The following ZFHX3 variants were observed in gnomAD, a reference collection of about 807,000 sequenced individuals.
The protein encoded by ZFHX3 is zinc finger homeobox protein 3.
Under a neutral mutation model 279.1 loss-of-function variants are expected in ZFHX3, and 42 were observed. The observed-to-expected ratio is 0.15, with a 90% CI of 0.12 to 0.19. The LOEUF (loss-of-function observed/expected upper bound fraction) is 0.19. Among genes scored for constraint, ZFHX3 ranks in the 10% least tolerant of loss-of-function variants. ZFHX3 has a pLI of 1.00. For synonymous variants in ZFHX3, 2,293 were observed against 1,957.8 expected, an observed-to-expected ratio of 1.17 and a Z score of -4.52; for missense variants, 4,981 against 4,754.0, an observed-to-expected ratio of 1.05 and a Z score of -1.40.
At chr16:72,998,541 T>A (rs1476486619) in intron 1 of ZFHX3, among the ~76,000 whole-genome samples, 1 of 152,242 alleles carries the variant, frequency 6.6e-6, no homozygotes, top group African/African-American at 2.4e-5. Context: ...CTTGTTTTCC[T>A]ACTAAGCCTG....
At chr16:73,358,853 T>C (rs2016388039) in intron 3 of ZFHX3, among the ~76,000 whole-genome samples, 2 of 152,230 alleles carry the variant, frequency 1.3e-5, no homozygotes, top group Admixed American at 1.3e-4. Context: ...CCTGTGTCCA[T>C]TATGTGACCT....
intron 1 of ZFHX3, among the ~76,000 whole-genome samples, chr16:73,879,897 G>C (rs1035810643): frequency 7.2e-5 from 11 of 151,978 alleles, no homozygotes; most frequent in Admixed American, 2.6e-4. Flanking sequence ...GGGGAAGGAG[G>C]GGGGCAAAAT....
chr16:73,569,759 G>T (rs2051715587), intron 2 of ZFHX3, among the ~76,000 whole-genome samples: 1 of 152,182 alleles, frequency 6.6e-6, no homozygotes. Flanking sequence ...GCACAAACAT[G>T]CGTACTCCTG....
intron 3 of ZFHX3, among the ~76,000 whole-genome samples, chr16:72,927,622 T>C (rs1358671179): frequency 6.6e-6 from 1 of 151,794 alleles, no homozygotes; most frequent in African/African-American, 2.4e-5. Context: ...GGCTGGGAGG[T>C]TCCCAGCATG....
At position 72,787,298 on chromosome 16, in the gene ZFHX3, AGTC is replaced by A; in HGVS notation, c.10975_10977del (p.Asp3659del). ...AGATCCGTGTCAGACTCCTCCGAAT[AGTC>A]GTCTGTTGGCATCGAGGGCTGAACC... On this transcript the variant is annotated inframe_deletion, in exon 10 of 10. Coordinates refer to ENST00000268489, the MANE Select transcript of ZFHX3 (RefSeq NM_006885.4). 1.2e-6 allele frequency: 2 copies of A among 1,613,992 alleles called. No individual in the cohort carries two copies. The highest frequency in any genetic ancestry group is 1.7e-6 in the Non-Finnish European group (2 of 1,180,010).
chr16:73,287,048 G>A (rs1395890227), intron 4 of ZFHX3, among the ~76,000 whole-genome samples: 1 of 150,552 alleles, frequency 6.6e-6, no homozygotes, highest in African/African-American at 2.4e-5. Context: ...GTGGGTTGCT[G>A]TGTGGCTGTA....
At chr16:72,825,357 T>C (rs2036905697) in intron 5 of ZFHX3, among the ~76,000 whole-genome samples, 2 of 152,240 alleles carry the variant, frequency 1.3e-5, no homozygotes, top group South Asian at 2.1e-4. Context: ...TACTTAGACA[T>C]AGATGAAAAC....
chr16:73,487,654 C>T, intron 2 of ZFHX3: 2 of 236,604 alleles, frequency 8.5e-6, no homozygotes, highest in South Asian at 9.1e-5. Flanking sequence ...TGATACTCAC[C>T]TCAGCCTCCC....
chr16:73,463,654 C>G (rs972837656), intron 2 of ZFHX3, among the ~76,000 whole-genome samples: 4 of 152,126 alleles, frequency 2.6e-5, no homozygotes, highest in Admixed American at 6.5e-5. Context: ...TTCCTATCAC[C>G]TTTTATACTA....
intron 1 of ZFHX3, among the ~76,000 whole-genome samples, chr16:73,701,180 T>C (rs949095148): frequency 2.0e-5 from 3 of 152,138 alleles, no homozygotes; most frequent in Non-Finnish European, 4.4e-5. Context: ...GCCTCGACAA[T>C]AAATAAGCAA....
chr16:73,878,099 T>C (rs1363565377), intron 1 of ZFHX3, among the ~76,000 whole-genome samples: 2 of 152,008 alleles, frequency 1.3e-5, no homozygotes, highest in Non-Finnish European at 2.9e-5. Context: ...CATTTAATAC[T>C]AAGCAAAATA....
chr16:73,800,809 C>T (rs1287772247), intron 1 of ZFHX3, among the ~76,000 whole-genome samples: 1 of 152,124 alleles, frequency 6.6e-6, no homozygotes, highest in Non-Finnish European at 1.5e-5. Flanking sequence ...ACTCCGTCTA[C>T]CCCCAAAAGA....
At chr16:73,164,050 C>G (rs913796397) in intron 5 of ZFHX3, among the ~76,000 whole-genome samples, 2 of 152,248 alleles carry the variant, frequency 1.3e-5, no homozygotes, top group South Asian at 4.1e-4. Flanking sequence ...TGAGCCGATC[C>G]TGCAACTGCC....
At chr16:73,478,376 T>A (rs796720241) in intron 2 of ZFHX3, among the ~76,000 whole-genome samples, 1 of 151,984 alleles carries the variant, frequency 6.6e-6, no homozygotes, top group East Asian at 1.9e-4. Flanking sequence ...CTCTACCAAC[T>A]GAGCTATCCA....
At chr16:73,581,886 G>T (rs1425977014) in intron 2 of ZFHX3, among the ~76,000 whole-genome samples, 1 of 151,448 alleles carries the variant, frequency 6.6e-6, no homozygotes, top group Non-Finnish European at 1.5e-5. Flanking sequence ...GTGTTAGCCA[G>T]GATGGTCTCG....
chr16:73,020,840 T>C (rs1964272924), intron 1 of ZFHX3, among the ~76,000 whole-genome samples: 1 of 152,134 alleles, frequency 6.6e-6, no homozygotes, highest in African/African-American at 2.4e-5. Context: ...CAGGATGTCT[T>C]CCTATATAAT....
chr16:73,741,101 G>C (rs1424662136), intron 1 of ZFHX3, among the ~76,000 whole-genome samples: 1 of 141,394 alleles, frequency 7.1e-6, no homozygotes, highest in Non-Finnish European at 1.5e-5. Context: ...ACATGATCTT[G>C]GCTCACTGCA....
At chr16:73,853,869 G>A (rs1300740464) in intron 1 of ZFHX3, among the ~76,000 whole-genome samples, 1 of 152,110 alleles carries the variant, frequency 6.6e-6, no homozygotes, top group Non-Finnish European at 1.5e-5. Context: ...CCCAAAGTCT[G>A]TGAAGATCTT....
At chr16:73,791,921 G>C (rs1959836086) in intron 1 of ZFHX3, among the ~76,000 whole-genome samples, 1 of 152,204 alleles carries the variant, frequency 6.6e-6, no homozygotes, top group South Asian at 2.1e-4. Flanking sequence ...CAAGCTTACA[G>C]AGCCTTCATA....
Sources: allele counts gnomAD v4.1 joint callset (sites outside exome capture counted in the v4.1 genomes callset), GRCh38; gene constraint gnomAD v4.1.1; transcripts MANE v1.5; gene names NCBI Gene and HGNC (gene_info 2026-07-23, HGNC 2026-07-21).